EDC4: variants seen among roughly 807,000 people sequenced by gnomAD.
EDC4 encodes the protein enhancer of mRNA decapping 4.
Under a neutral mutation model 155.8 loss-of-function variants are expected in EDC4, and 64 were observed. The observed-to-expected ratio is 0.41, with a 90% CI of 0.34 to 0.51. The LOEUF (loss-of-function observed/expected upper bound fraction) is 0.51. EDC4 is among the 20% of genes least tolerant of loss of function. The pLI is 0.19. For synonymous variants in EDC4, 684 were observed against 716.8 expected, an observed-to-expected ratio of 0.95 and a Z score of 0.73; for missense variants, 1,303 against 1,812.5, an observed-to-expected ratio of 0.72 and a Z score of 5.10.
rs1268010999 is a variant in EDC4 at position 67,883,473 on chromosome 16, C to T, written c.3850-95C>T. ...TCCCTCTGGAGCTCTCACTAGCCCA[C>T]CCTGTGGTCATCCTCCCCCAGGCCA... On this transcript the variant is annotated intron_variant, in intron 27 of 28. Transcript: ENST00000358933. This position sits in a 1 kb window ranked among gnomAD's most constrained non-coding sequence, Gnocchi z 5.3. The T allele has an allele frequency of 4.5e-6, 7 of 1,546,226 alleles. No individual in the cohort carries two copies. In the East Asian group the frequency reaches 6.8e-5, roughly 15 times the overall value.
Position 67,877,082 on chromosome 16 carries a change from C to A in EDC4, c.451+110C>A. ...GGGTACAATGGAAGGTTTGTCCATG[C>A]TGCCTCTTGGGGAGCTGGGTGGGAA... On this transcript the variant is annotated intron_variant, in intron 4 of 28. Coordinates refer to ENST00000358933, the MANE Select transcript of EDC4 (RefSeq NM_014329.5). The surrounding 1 kb of genome is among the most constrained non-coding windows in gnomAD (Gnocchi z 4.9). The A allele has an allele frequency of 6.5e-7, 1 of 1,547,408 alleles. No individual in the cohort carries two copies.
Position 67,883,286 on chromosome 16 carries a change from T to C in EDC4, c.3849+109T>C. 6.9e-7 allele frequency: 1 copy of C among 1,449,730 alleles called. No homozygotes were observed. The highest frequency in any genetic ancestry group is 1.4e-5 in the South Asian group (1 of 72,010). 89.8% of individuals were successfully genotyped at this position (1,449,730 alleles called of 1,614,324 possible). Reference sequence around the variant, plus strand: ...TTTGCACCTTCTGGCCCCAGCAGACTGTTCTTGGTTCCCTTTGGCCTCCAG... The same window carrying C: ...TTTGCACCTTCTGGCCCCAGCAGACCGTTCTTGGTTCCCTTTGGCCTCCAG... On this transcript the variant is annotated intron_variant, in intron 27 of 28. Coordinates refer to ENST00000358933, the MANE Select transcript of EDC4 (RefSeq NM_014329.5). The surrounding 1 kb of genome is among the most constrained non-coding windows in gnomAD (Gnocchi z 5.3).
In EDC4 at chr16:67,882,995, G is replaced by A. The variant is rs760900009; in HGVS notation, c.3667G>A (p.Val1223Ile). The stretch of plus-strand genomic sequence containing the variant: ...CATTTTAGCACAGGTACAGCGCATC[G>A]TTAAGGGTGAGGTGAGTGTGGCGCT... ...ESILAQVQRI[V>I]KGEVSVALKE... Residue 1223 changes from valine (V) to isoleucine (I), a missense_variant, in exon 27 of 29, where the codon GTT (valine) becomes ATT (isoleucine). Physicochemically the swap from Val to Ile is conservative, Grantham distance 29. Around this residue, in one of 5 missense-constraint regions of EDC4, gnomAD observed 527 missense variants for 757.0 expected, o/e 0.70. Transcript: ENST00000358933. The surrounding 1 kb of genome is among the most constrained non-coding windows in gnomAD (Gnocchi z 7.2). 1.9e-5 allele frequency: 31 copies of A among 1,614,032 alleles called. No individual in the cohort carries two copies. The highest frequency in any genetic ancestry group is 1.6e-4 in the Middle Eastern group (1 of 6,084).
At position 67,874,003 on chromosome 16, in the gene EDC4, G is replaced by A. The variant is rs116813202; in HGVS notation, c.82+660G>A. ...AGTCTTGCCCCCAAAGATTCCCCAAGACACAGCTAACAGGGTTGTAATATA... is the reference window on the plus strand; with the variant it reads ...AGTCTTGCCCCCAAAGATTCCCCAAAACACAGCTAACAGGGTTGTAATATA... On this transcript the variant is annotated intron_variant, in intron 1 of 28. Coordinates refer to ENST00000358933, the MANE Select transcript of EDC4 (RefSeq NM_014329.5). 7.5e-3 allele frequency among the ~76,000 whole-genome samples: 1,144 copies of A among 152,284 alleles called. 23 individuals are homozygous for A. Among genetic ancestry groups the A allele is most frequent in the African/African-American group, 0.025 (1,051 of 41,548 alleles).
At position 67,877,683 on chromosome 16, in the gene EDC4, C is replaced by G. The variant is rs760517046; in HGVS notation, c.789+27C>G. 1.7e-5 allele frequency: 27 copies of G among 1,614,028 alleles called. 1 individual carries two copies. The East Asian group carries it at 6.0e-4, about 36-fold the overall frequency. The stretch of plus-strand genomic sequence containing the variant: ...TGAGGGGGCTGACATGGCGAAGAGG[C>G]GCCAGAGAAGCCATAGTGTGGGGTT... On this transcript the variant is annotated intron_variant, in intron 6 of 28. Transcript: ENST00000358933. The surrounding 1 kb of genome is among the most constrained non-coding windows in gnomAD (Gnocchi z 4.9).
chr16:67,880,596 G>A lies in EDC4; in HGVS notation c.2137G>A (p.Glu713Lys). 6.2e-7 allele frequency: 1 copy of A among 1,614,096 alleles called. No homozygotes were observed. The highest frequency in any genetic ancestry group is 1.3e-5 in the African/African-American group (1 of 75,046). Residue 713 changes from glutamate to lysine, a missense_variant, in exon 18 of 29, where the codon GAA (glutamate) becomes AAA (lysine). Glu to Lys is a moderately conservative substitution (Grantham distance 56). Coordinates refer to ENST00000358933, the MANE Select transcript of EDC4 (RefSeq NM_014329.5). This position sits in a 1 kb window ranked among gnomAD's most constrained non-coding sequence, Gnocchi z 5.2. Reference protein sequence around the residue: ...ATSALSLELQEVEPLGLPQAS... With the variant: ...ATSALSLELQKVEPLGLPQAS... ...CTCTGCACTGTCCCTGGAGCTGCAG[G>A]AAGTGGAGCCCCTGGGGCTACCCCA...
At position 67,878,058 on chromosome 16, in the gene EDC4, A is replaced by T. The variant is rs2058049297; in HGVS notation, c.895-108A>T. ...AGGAACCCTGTTCATTTAGTCAGTC[A>T]CACAAGCATGCCAGTCCCACCGTGA... On this transcript the variant is annotated intron_variant, in intron 7 of 28. Transcript: ENST00000358933. This position sits in a 1 kb window ranked among gnomAD's most constrained non-coding sequence, Gnocchi z 5.2. 4 of 1,536,668 alleles carry T rather than the reference A, an allele frequency of 2.6e-6. No individual in the cohort carries two copies. The highest frequency in any genetic ancestry group is 4.0e-5 in the Admixed American group (2 of 50,446).
At position 67,881,131 on chromosome 16, in the gene EDC4, T is replaced by C; in HGVS notation, c.2587T>C (p.Tyr863His). ...GAGCCTGGCCTTCCACCGACCACCA[T>C]ATCACCTGCTGCAGCAACGTGACAG... Reference protein sequence around the residue: ...HKSLAFHRPPYHLLQQRDSQD... With the variant: ...HKSLAFHRPPHHLLQQRDSQD... The change falls in exon 19 of 29, where the codon TAT becomes CAT. Residue 863 changes from tyrosine (Y) to histidine (H), a missense_variant. By Grantham distance (83) the Tyr-to-His change is moderately conservative. This residue lies in a region of EDC4 where 527 missense variants were observed against 757.0 expected (regional missense o/e 0.70). Coordinates refer to ENST00000358933, the MANE Select transcript of EDC4 (RefSeq NM_014329.5). This position sits in a 1 kb window ranked among gnomAD's most constrained non-coding sequence, Gnocchi z 5.4. The C allele has an allele frequency of 1.9e-6, 3 of 1,613,886 alleles. No homozygotes were observed. Among genetic ancestry groups the C allele is most frequent in the East Asian group, 2.2e-5 (1 of 44,890 alleles).
In EDC4 at chr16:67,877,080, T is replaced by G; in HGVS notation, c.451+108T>G. On this transcript the variant is annotated intron_variant, in intron 4 of 28. Coordinates refer to ENST00000358933, the MANE Select transcript of EDC4 (RefSeq NM_014329.5). This position sits in a 1 kb window ranked among gnomAD's most constrained non-coding sequence, Gnocchi z 4.9. ...AGGGGTACAATGGAAGGTTTGTCCA[T>G]GCTGCCTCTTGGGGAGCTGGGTGGG... 2 of 1,548,228 alleles carry G rather than the reference T, an allele frequency of 1.3e-6. No individual in the cohort carries two copies. Among genetic ancestry groups the G allele is most frequent in the Non-Finnish European group, 1.7e-6 (2 of 1,146,104 alleles).
At position 67,877,146 on chromosome 16, in the gene EDC4, T is replaced by A; in HGVS notation, c.452-71T>A. 6.5e-7 allele frequency: 1 copy of A among 1,544,820 alleles called. No individual in the cohort carries two copies. The highest frequency in any genetic ancestry group is 1.7e-4 in the Middle Eastern group (1 of 5,760). ...ACTCTGGTGGTGGCAGGGAGACAGG[T>A]GGGGCAGCGCTTCTCTGCTACTGCC... On this transcript the variant is annotated intron_variant, in intron 4 of 28. Coordinates refer to ENST00000358933, the MANE Select transcript of EDC4 (RefSeq NM_014329.5). The surrounding 1 kb of genome is among the most constrained non-coding windows in gnomAD (Gnocchi z 4.9).
rs1464397951 is a variant in EDC4, at chr16:67,878,957, G to C, written c.1288G>C (p.Val430Leu). The C allele has an allele frequency of 1.2e-6, 2 of 1,610,154 alleles. No homozygotes were observed. Among genetic ancestry groups the C allele is most frequent in the Non-Finnish European group, 8.5e-7 (1 of 1,178,386 alleles). ...YLILSDVQRK[V>L]LYVMELLQNQ... ...AGCTAGGAACGTTCTGCCTGTGCAG[G>C]TCCTCTATGTGATGGAGCTGCTGCA... The change falls in exon 12 of 29, where the codon GTC becomes CTC. Residue 430 changes from valine (V) to leucine (L), a missense_variant and splice_region_variant. Val to Leu is a conservative substitution (Grantham distance 32, BLOSUM62 1). Transcript: ENST00000358933. The surrounding 1 kb of genome is among the most constrained non-coding windows in gnomAD (Gnocchi z 5.2).
In EDC4 at chr16:67,882,242, G is replaced by A. The variant is rs1235995288; in HGVS notation, c.3191G>A (p.Gly1064Asp). 6.2e-7 allele frequency: 1 copy of A among 1,613,590 alleles called. No homozygotes were observed. The highest frequency in any genetic ancestry group is 1.1e-5 in the South Asian group (1 of 90,988). Residue 1064 changes from glycine (G) to aspartate (D), a missense_variant, in exon 24 of 29, where the codon GGC (glycine) becomes GAC (aspartate). Physicochemically the swap from Gly to Asp is moderately conservative, Grantham distance 94 (BLOSUM62 -1). Coordinates refer to ENST00000358933, the MANE Select transcript of EDC4 (RefSeq NM_014329.5). This position sits in a 1 kb window ranked among gnomAD's most constrained non-coding sequence, Gnocchi z 7.2. Reference sequence around the variant, plus strand: ...TCAAGGAGTCTGGAGCCTATGGCAGGCCAACTGAGCAACTCAGTGGCTACC... The same window carrying A: ...TCAAGGAGTCTGGAGCCTATGGCAGACCAACTGAGCAACTCAGTGGCTACC... ...CVSRSLEPMA[G>D]QLSNSVATKL...
In EDC4 at chr16:67,883,336, T is replaced by C; in HGVS notation, c.3849+159T>C. The C allele has an allele frequency of 7.5e-7, 1 of 1,339,224 alleles. No homozygotes were observed. The highest frequency in any genetic ancestry group is 1.0e-6 in the Non-Finnish European group (1 of 996,716). The allele number at this position is 1,339,224 out of a possible 1,614,324, so 83.0% of individuals were successfully genotyped here. A position where few individuals can be genotyped will look rare whatever the true frequency, so the allele number is the denominator to read the frequency against. ...GGCCATTGTCCCTGCTGCTTCCTCT[T>C]CCTGGACCCCTTTCTTCCCACCTAG... On this transcript the variant is annotated intron_variant, in intron 27 of 28. Transcript: ENST00000358933. The surrounding 1 kb of genome is among the most constrained non-coding windows in gnomAD (Gnocchi z 5.3).
intron 1 of EDC4, among the ~76,000 whole-genome samples, chr16:67,874,720 C>T (rs1281483663): frequency 6.6e-6 from 1 of 152,168 alleles, no homozygotes; most frequent in African/African-American, 2.4e-5. Context: ...TATTGATTGG[C>T]ACTTGATTCC....
At position 67,883,614 on chromosome 16, in the gene EDC4, CTG is replaced by C; in HGVS notation, c.3899_3900del (p.Val1300GlyfsTer28). 2 of 1,614,156 alleles carry C rather than the reference CTG, an allele frequency of 1.2e-6. No homozygotes were observed. The highest frequency in any genetic ancestry group is 1.7e-6 in the Non-Finnish European group (2 of 1,180,038). On this transcript the variant is annotated frameshift_variant, in exon 28 of 29. Transcript: ENST00000358933. LOFTEE classifies it high-confidence loss of function. This position sits in a 1 kb window ranked among gnomAD's most constrained non-coding sequence, Gnocchi z 5.3. ...AACCTGGTGCTGTATGTGTGTGAAA[CTG>C]TGGACCCAGCCCAGGTTTTTGGGCA...
At position 67,883,282 on chromosome 16, in the gene EDC4, A is replaced by T. The variant is rs1367619922; in HGVS notation, c.3849+105A>T. 8.2e-6 allele frequency: 12 copies of T among 1,457,008 alleles called. No individual in the cohort carries two copies. The highest frequency in any genetic ancestry group is 1.1e-5 in the Non-Finnish European group (12 of 1,101,546). 90.3% of individuals were successfully genotyped at this position (1,457,008 alleles called of 1,614,324 possible). On this transcript the variant is annotated intron_variant, in intron 27 of 28. Transcript: ENST00000358933. The surrounding 1 kb of genome is among the most constrained non-coding windows in gnomAD (Gnocchi z 5.3). ...CACCTTTGCACCTTCTGGCCCCAGC[A>T]GACTGTTCTTGGTTCCCTTTGGCCT...
In EDC4 at chr16:67,881,628, G is replaced by T; in HGVS notation, c.2827-40G>T. ...TTCCCTGGTCTGGTGTGTGGGAATA[G>T]GTGGGGCAGGCATCGTGTGACTGTC... On this transcript the variant is annotated intron_variant, in intron 21 of 28. Coordinates refer to ENST00000358933, the MANE Select transcript of EDC4 (RefSeq NM_014329.5). The surrounding 1 kb of genome is among the most constrained non-coding windows in gnomAD (Gnocchi z 5.4). 6.2e-7 allele frequency: 1 copy of T among 1,610,776 alleles called. No individual in the cohort carries two copies. Among genetic ancestry groups the T allele is most frequent in the Non-Finnish European group, 8.5e-7 (1 of 1,177,520 alleles).
rs755433972 is a variant in EDC4 at position 67,881,290 on chromosome 16, C to T, written c.2662C>T (p.Leu888Phe). 8 of 1,614,012 alleles carry T rather than the reference C, an allele frequency of 5.0e-6. No individual in the cohort carries two copies. In the East Asian group the frequency reaches 1.6e-4, roughly 31 times the overall value. Reference sequence around the variant, plus strand: ...TGACCATGATGATGAGGTGGCCAGCCTTGCCTCTGCTTCAGGAGGCTTTGG... The same window carrying T: ...TGACCATGATGATGAGGTGGCCAGCTTTGCCTCTGCTTCAGGAGGCTTTGG... ...QSDHDDEVAS[L>F]ASASGGFGTK... is the part of the protein sequence containing the mutation. Residue 888 changes from leucine (L) to phenylalanine (F), a missense_variant, in exon 20 of 29, where the codon CTT becomes TTT. This residue lies in a region of EDC4 where 527 missense variants were observed against 757.0 expected (regional missense o/e 0.70). Transcript: ENST00000358933. The surrounding 1 kb of genome is among the most constrained non-coding windows in gnomAD (Gnocchi z 5.4).
chr16:67,880,450 C>T lies in EDC4; in HGVS notation c.2098-107C>T, dbSNP rs2058062045. 6.8e-7 allele frequency: 1 copy of T among 1,464,056 alleles called. No individual in the cohort carries two copies. The allele number at this position is 1,464,056 out of a possible 1,614,324, so 90.7% of individuals were successfully genotyped here. A position where few individuals can be genotyped will look rare whatever the true frequency, so the allele number is the denominator to read the frequency against. On this transcript the variant is annotated intron_variant, in intron 17 of 28. Transcript: ENST00000358933. The surrounding 1 kb of genome is among the most constrained non-coding windows in gnomAD (Gnocchi z 5.2). ...CGTTTTTGACCTGTATCCCCACTTC[C>T]CTGCTGCCCTGTCTCTCATTACTGC...
Sources: gnomAD v4.1 joint callset for allele counts (sites outside exome capture counted in the v4.1 genomes callset) on GRCh38, gnomAD v4.1.1 for gene constraint, gnomAD v4.1.1 regional missense constraint, Gnocchi (gnomAD v3.1) non-coding constraint, MANE v1.5 for transcripts, NCBI Gene and HGNC (gene_info 2026-07-23, HGNC 2026-07-21) for gene names.